Variants in TSPAN18 observed in about 807,000 individuals in gnomAD.
The protein encoded by TSPAN18 is tetraspanin 18, also known as tetraspanin-18.
TSPAN18 carries 14 observed loss-of-function variants against 27.3 expected under a neutral mutation model. The ratio of observed to expected loss-of-function variants is 0.51; its 90% CI spans 0.34 to 0.80. TSPAN18 has a LOEUF of 0.80. Among genes scored for constraint, TSPAN18 ranks in the 30% least tolerant of loss-of-function variants. The pLI, the probability that TSPAN18 is intolerant of heterozygous loss-of-function variation, is 0.01. For missense variants in TSPAN18, 268 were observed against 323.9 expected (o/e 0.83, Z 1.32); for synonymous variants, 143 against 136.5 (o/e 1.05, Z -0.33).
chr11:44,817,407 T>A (rs968403922), intron 2 of TSPAN18, among the ~76,000 whole-genome samples: 9 of 152,230 alleles, frequency 5.9e-5, no homozygotes, highest in African/African-American at 2.2e-4. Flanking sequence ...GGCTTTCGGC[T>A]CCAGGCTTGG....
intron 3 of TSPAN18, among the ~76,000 whole-genome samples, chr11:44,863,114 T>G (rs1857940700): frequency 6.6e-6 from 1 of 152,104 alleles, no homozygotes; most frequent in Non-Finnish European, 1.5e-5. Flanking sequence ...AAAGGAAGGC[T>G]TGGGGGTTCA....
chr11:44,882,912 C>CTT (rs1268211467), intron 3 of TSPAN18, among the ~76,000 whole-genome samples: 2 of 152,214 alleles, frequency 1.3e-5, no homozygotes, highest in Non-Finnish European at 2.9e-5. Flanking sequence ...TTGAGCCTGG[C>CTT]TTGAAGCCCC....
intron 3 of TSPAN18, among the ~76,000 whole-genome samples, chr11:44,865,900 A>G (rs1294691602): frequency 2.0e-5 from 3 of 152,320 alleles, no homozygotes; most frequent in African/African-American, 2.4e-5. Context: ...CCAGCACTCT[A>G]TGGGGTCTCA....
rs771923141 is a variant in TSPAN18 at position 44,915,118 on chromosome 11, G to C, written c.259-2854G>C. ...GAGGCTGGTGGGCACGCCAGCTCCAGCTCATTGCCGTGGATGGAAACCATT... is the reference window on the plus strand; with the variant it reads ...GAGGCTGGTGGGCACGCCAGCTCCACCTCATTGCCGTGGATGGAAACCATT... On this transcript the variant is annotated intron_variant, in intron 5 of 9. Transcript: ENST00000520358. Among the ~76,000 whole-genome samples the C allele has an allele frequency of 1.0e-3, 154 of 152,212 alleles. 2 individuals carry two copies. Among genetic ancestry groups the C allele is most frequent in the Non-Finnish European group, 3.7e-4 (25 of 68,044 alleles).
chr11:44,872,570 T>A (rs573575155), intron 3 of TSPAN18, among the ~76,000 whole-genome samples: 1 of 152,228 alleles, frequency 6.6e-6, no homozygotes, highest in Non-Finnish European at 1.5e-5. Flanking sequence ...CTAGACCCTG[T>A]GAAAGCCTAA....
intron 2 of TSPAN18, among the ~76,000 whole-genome samples, chr11:44,798,659 C>T (rs747223750): frequency 4.6e-5 from 7 of 152,098 alleles, no homozygotes; most frequent in Non-Finnish European, 7.4e-5. Context: ...GGAACTGATG[C>T]TGAGTATATT....
chr11:44,864,652 A>G (rs553534431), intron 3 of TSPAN18, among the ~76,000 whole-genome samples: 1 of 152,290 alleles, frequency 6.6e-6, no homozygotes, highest in Admixed American at 6.5e-5. Flanking sequence ...TTGCACATGG[A>G]CCTTATGGGG....
At chr11:44,879,022 G>A (rs1858416819) in intron 3 of TSPAN18, among the ~76,000 whole-genome samples, 1 of 152,180 alleles carries the variant, frequency 6.6e-6, no homozygotes, top group African/African-American at 2.4e-5. Flanking sequence ...ATCCCACAGA[G>A]CCCTGAACTT....
At chr11:44,749,754 A>C (rs2134851248) in intron 1 of TSPAN18, among the ~76,000 whole-genome samples, 1 of 148,050 alleles carries the variant, frequency 6.8e-6, no homozygotes, top group Admixed American at 6.9e-5. Flanking sequence ...CTCCTGCCTC[A>C]GCCTCCTGAG....
intron 1 of TSPAN18, among the ~76,000 whole-genome samples, chr11:44,754,243 C>T (rs1018690142): frequency 2.0e-5 from 3 of 152,230 alleles, no homozygotes; most frequent in Non-Finnish European, 2.9e-5. Context: ...TATTCCGCTG[C>T]AGCCCTGTGG....
intron 3 of TSPAN18, among the ~76,000 whole-genome samples, chr11:44,877,177 C>G (rs1039790828): frequency 1.3e-5 from 2 of 152,368 alleles, no homozygotes; most frequent in African/African-American, 4.8e-5. Context: ...TCGAGGGGTC[C>G]CCATAATGGC....
intron 2 of TSPAN18, among the ~76,000 whole-genome samples, chr11:44,811,626 AT>A (rs1182041195): frequency 7.9e-5 from 12 of 151,740 alleles, no homozygotes; most frequent in African/African-American, 2.7e-4. Context: ...CACCTGGCTA[AT>A]TTTTTTGTAT....
At chr11:44,908,831 A>AGAGAAAG (rs1590671451) in intron 4 of TSPAN18, among the ~76,000 whole-genome samples, 1 of 96,160 alleles carries the variant, frequency 1.0e-5, no homozygotes, top group Non-Finnish European at 2.2e-5. Context: ...AAGAAAGAAA[A>AGAGAAAG]AGAAAAATGG....
chr11:44,832,226 A>G (rs1435503448), intron 2 of TSPAN18, among the ~76,000 whole-genome samples: 4 of 152,138 alleles, frequency 2.6e-5, no homozygotes, highest in Non-Finnish European at 5.9e-5. Context: ...TGGGATGTGA[A>G]GCCAGGCAGC....
At chr11:44,769,971 A>G (rs535332065) in intron 2 of TSPAN18, among the ~76,000 whole-genome samples, 1 of 152,324 alleles carries the variant, frequency 6.6e-6, no homozygotes, top group East Asian at 1.9e-4. Flanking sequence ...TTGATTCTGC[A>G]TCTCAATTTT....
intron 2 of TSPAN18, among the ~76,000 whole-genome samples, chr11:44,845,992 C>T (rs1014367228): frequency 6.6e-5 from 10 of 152,258 alleles, no homozygotes; most frequent in African/African-American, 2.4e-4. Flanking sequence ...TCCTGGGCCA[C>T]TGTTATTGCA....
chr11:44,855,344 CCAA>C (rs1857707270), intron 2 of TSPAN18, among the ~76,000 whole-genome samples: 1 of 152,168 alleles, frequency 6.6e-6, no homozygotes, highest in Admixed American at 6.5e-5. Context: ...CCTAGCACAG[CCAA>C]CTCTAGCCTG....
chr11:44,796,049 T>C (rs1856341878), intron 2 of TSPAN18, among the ~76,000 whole-genome samples: 1 of 152,068 alleles, frequency 6.6e-6, no homozygotes, highest in Non-Finnish European at 1.5e-5. Context: ...CGTTGCCCTT[T>C]CCATGCCACA....
chr11:44,908,790 A>AGAAAGAAGGAAGGAAGGAAGGAAG (rs1859578260), intron 4 of TSPAN18, among the ~76,000 whole-genome samples: 1 of 94,516 alleles, frequency 1.1e-5, no homozygotes, highest in African/African-American at 4.9e-5. Flanking sequence ...AAAGAAAGAA[A>AGAAAGAAGGAAGGAAGGAAGGAAG]GAAAGAAAGA....
Sources: allele counts gnomAD v4.1 joint callset (sites outside exome capture counted in the v4.1 genomes callset), GRCh38; gene constraint gnomAD v4.1.1; transcripts MANE v1.5; gene names NCBI Gene and HGNC (gene_info 2026-07-23, HGNC 2026-07-21).